Variants in FAF1 observed in about 807,000 individuals in gnomAD.
FAF1 encodes the protein Fas associated factor 1.
In FAF1, 25 loss-of-function variants were observed where a neutral mutation model predicts 92.5. The ratio of observed to expected loss-of-function variants is 0.27; its 90% CI spans 0.20 to 0.38. The LOEUF (loss-of-function observed/expected upper bound fraction) is 0.38. Among genes scored for constraint, FAF1 ranks in the 10% least tolerant of loss-of-function variants. FAF1 has a pLI of 1.00. For synonymous variants in FAF1, 234 were observed against 273.2 expected, an observed-to-expected ratio of 0.86 and a Z score of 1.42; for missense variants, 636 against 793.3, an observed-to-expected ratio of 0.80 and a Z score of 2.38.
intron 1 of FAF1, among the ~76,000 whole-genome samples, chr1:50,876,479 C>CACAT (rs1432985442): frequency 6.6e-6 from 1 of 152,176 alleles, no homozygotes; most frequent in Non-Finnish European, 1.5e-5. Flanking sequence ...GTAAACACCA[C>CACAT]ACATACATAC....
chr1:50,891,584 C>A (rs2124700794), intron 1 of FAF1, among the ~76,000 whole-genome samples: 1 of 152,272 alleles, frequency 6.6e-6, no homozygotes, highest in East Asian at 1.9e-4. Context: ...GCAATCAGGA[C>A]CCTCAGCTGC....
intron 12 of FAF1, among the ~76,000 whole-genome samples, chr1:50,576,806 C>CT (rs1553228756): frequency 6.6e-6 from 1 of 150,506 alleles, no homozygotes; most frequent in Non-Finnish European, 1.5e-5. Context: ...CCGCACCTGA[C>CT]TAACTGTTTT....
rs1653502634 is a variant in FAF1 at position 50,626,460 on chromosome 1, A to G, written c.744+28982T>C. Among the ~76,000 whole-genome samples, 17 of 152,334 alleles carry G rather than the reference A, an allele frequency of 1.1e-4. 1 individual carries two copies. The South Asian group carries it at 3.5e-3, about 32-fold the overall frequency. ...TGAAAGAATAAGAATTATACAGGATATATCAGGGAACAGGATAAAAAGCCC... is the reference window on the plus strand; with the variant it reads ...TGAAAGAATAAGAATTATACAGGATGTATCAGGGAACAGGATAAAAAGCCC... On this transcript the variant is annotated intron_variant, in intron 8 of 18. Coordinates refer to ENST00000396153, the MANE Select transcript of FAF1 (RefSeq NM_007051.3).
chr1:50,547,363 A>C (rs1288176542), intron 13 of FAF1, among the ~76,000 whole-genome samples: 5 of 152,170 alleles, frequency 3.3e-5, no homozygotes, highest in Admixed American at 3.3e-4. Context: ...CAGTAATAGT[A>C]AACTGTTAAA....
At chr1:50,874,025 T>C (rs188522813) in intron 1 of FAF1, among the ~76,000 whole-genome samples, 2 of 152,228 alleles carry the variant, frequency 1.3e-5, no homozygotes, top group African/African-American at 4.8e-5. Context: ...TGATGCAGGG[T>C]ATGTGAGACC....
intron 8 of FAF1, among the ~76,000 whole-genome samples, chr1:50,621,809 C>T (rs914452169): frequency 3.6e-4 from 55 of 152,194 alleles, no homozygotes; most frequent in African/African-American, 1.3e-3. Context: ...CAGAGCTGAC[C>T]AGCACACAAA....
intron 1 of FAF1, among the ~76,000 whole-genome samples, chr1:50,911,680 G>A (rs779813773): frequency 1.3e-5 from 2 of 151,770 alleles, no homozygotes; most frequent in African/African-American, 4.8e-5. Context: ...CTGGGCAACA[G>A]AGTGAGACTC....
chr1:50,454,489 C>A (rs12096508), intron 18 of FAF1, among the ~76,000 whole-genome samples: 23,735 of 152,222 alleles, frequency 0.16, 2,750 homozygotes, highest in African/African-American at 0.33. Context: ...ACTAGGCCAT[C>A]GGCTCATGGA....
chr1:50,475,201 G>C (rs1477413880), intron 18 of FAF1, among the ~76,000 whole-genome samples: 1 of 152,174 alleles, frequency 6.6e-6, no homozygotes, highest in Non-Finnish European at 1.5e-5. Flanking sequence ...GCAAAGACTG[G>C]AATGCTGGAA....
At chr1:50,853,205 T>G (rs1214947906) in intron 2 of FAF1, among the ~76,000 whole-genome samples, 1 of 152,102 alleles carries the variant, frequency 6.6e-6, no homozygotes, top group Non-Finnish European at 1.5e-5. Context: ...CTGAGCAGAG[T>G]AGTGGAACTG....
At chr1:50,908,382 T>C (rs1644856731) in intron 1 of FAF1, among the ~76,000 whole-genome samples, 1 of 152,242 alleles carries the variant, frequency 6.6e-6, no homozygotes, top group African/African-American at 2.4e-5. Flanking sequence ...TAGATGTCTA[T>C]TAGATCTGCT....
chr1:50,572,179 A>ATAAACAC (rs1383889182), intron 12 of FAF1, among the ~76,000 whole-genome samples: 1 of 152,214 alleles, frequency 6.6e-6, no homozygotes, highest in African/African-American at 2.4e-5. Flanking sequence ...CAATGATACA[A>ATAAACAC]TAAACACCTA....
At chr1:50,701,552 G>A (rs1374477019) in intron 7 of FAF1, among the ~76,000 whole-genome samples, 2 of 152,056 alleles carry the variant, frequency 1.3e-5, no homozygotes, top group Non-Finnish European at 2.9e-5. Context: ...AGCATTAAAG[G>A]AGAATAGTCC....
At chr1:50,547,389 A>G (rs1649077335) in intron 13 of FAF1, among the ~76,000 whole-genome samples, 1 of 151,980 alleles carries the variant, frequency 6.6e-6, no homozygotes, top group South Asian at 2.1e-4. Context: ...TCAATAGATT[A>G]GTAGTCAGAG....
intron 8 of FAF1, among the ~76,000 whole-genome samples, chr1:50,624,042 A>G (rs1338635897): frequency 6.6e-6 from 1 of 151,538 alleles, no homozygotes; most frequent in Non-Finnish European, 1.5e-5. Context: ...GAAGAAGAAG[A>G]ACCACAAATA....
intron 6 of FAF1, among the ~76,000 whole-genome samples, chr1:50,729,058 ATT>A (rs1195852048): frequency 4.3e-5 from 3 of 70,120 alleles, no homozygotes; most frequent in South Asian, 5.6e-4. Context: ...ATATATATAT[ATT>A]TTTTTTTTTT....
At chr1:50,761,877 T>C (rs1236912003) in intron 4 of FAF1, among the ~76,000 whole-genome samples, 3 of 152,048 alleles carry the variant, frequency 2.0e-5, no homozygotes, top group Admixed American at 6.6e-5. Flanking sequence ...GGTATTCAAT[T>C]AGGAAAAGAG....
intron 6 of FAF1, among the ~76,000 whole-genome samples, chr1:50,733,270 A>C (rs1416294998): frequency 6.6e-6 from 1 of 152,176 alleles, no homozygotes; most frequent in Non-Finnish European, 1.5e-5. Context: ...ATAATTTGGA[A>C]TCTGTCATCA....
intron 5 of FAF1, among the ~76,000 whole-genome samples, chr1:50,739,160 G>T (rs1276065318): frequency 1.3e-5 from 2 of 151,618 alleles, no homozygotes; most frequent in Non-Finnish European, 2.9e-5. Context: ...GGGAAATATG[G>T]TTGTATACCT....
Sources: allele counts gnomAD v4.1 joint callset (sites outside exome capture counted in the v4.1 genomes callset), GRCh38; gene constraint gnomAD v4.1.1; transcripts MANE v1.5; gene names NCBI Gene and HGNC (gene_info 2026-07-23, HGNC 2026-07-21).